SEC16A: variants seen among roughly 807,000 people sequenced by gnomAD.
The protein encoded by SEC16A is protein transport protein Sec16A.
In SEC16A, 110 loss-of-function variants were observed where a neutral mutation model predicts 221.9. The observed-to-expected ratio is 0.50, with a 90% CI of 0.42 to 0.58. SEC16A has a LOEUF of 0.58. SEC16A is among the 20% of genes least tolerant of loss of function. The pLI is 0.00. For synonymous variants in SEC16A, 1,393 were observed against 1,257.7 expected (o/e 1.11, Z -2.28); for missense variants, 3,165 against 3,097.8 (o/e 1.02, Z -0.52).
At position 136,476,381 on chromosome 9, in the gene SEC16A, G is replaced by C. The variant is rs776293499; in HGVS notation, c.1235C>G (p.Pro412Arg). The C allele has an allele frequency of 1.2e-5, 19 of 1,612,796 alleles. No individual in the cohort carries two copies. The highest frequency in any genetic ancestry group is 1.6e-5 in the Non-Finnish European group (19 of 1,179,866). The change falls in exon 3 of 32, where the codon CCG becomes CGG. Residue 412 changes from proline (P) to arginine (R), a missense_variant. Transcript: ENST00000684901. The stretch of plus-strand genomic sequence containing the variant: ...TGCCCCCACGTGTGTAGGTGCGGGC[G>C]GACGGCCTAGCCCAGGGCTGGAGCA... ...DFCSSPGLGR[P>R]PAPTHVGAGS...
At position 136,466,720 on chromosome 9, in the gene SEC16A, G is replaced by A. The variant is rs981074708; in HGVS notation, c.3929+237C>T. On this transcript the variant is annotated intron_variant, in intron 6 of 31. Coordinates refer to ENST00000684901, the MANE Select transcript of SEC16A (RefSeq NM_014866.2). The surrounding 1 kb of genome is among the most constrained non-coding windows in gnomAD (Gnocchi z 5.5). ...AGAAAGAGTGAGCCCAATCTCCCAG[G>A]TGCTCCCAGAGGTGCTGAACAGTCC... is the stretch of plus-strand genomic sequence containing the variant. Among the ~76,000 whole-genome samples, 31 of 152,306 alleles carry A rather than the reference G, an allele frequency of 2.0e-4. No individual in the cohort carries two copies. Among genetic ancestry groups the A allele is most frequent in the African/African-American group, 6.0e-4 (25 of 41,562 alleles).
rs1410946414 is a variant in SEC16A at position 136,476,753 on chromosome 9, C to T, written c.863G>A (p.Ser288Asn). Residue 288 changes from serine (S) to asparagine (N), a missense_variant, in exon 3 of 32, where the codon AGT (serine) becomes AAT (asparagine). Physicochemically the swap from Ser to Asn is conservative, Grantham distance 46 (BLOSUM62 1). Coordinates refer to ENST00000684901, the MANE Select transcript of SEC16A (RefSeq NM_014866.2). Reference sequence around the variant, plus strand: ...AGAGTTATTGGCCAGGTGGCTTCCACTTTGCAAGTGGCTCACCTCGTCTCT... The same window carrying T: ...AGAGTTATTGGCCAGGTGGCTTCCATTTTGCAAGTGGCTCACCTCGTCTCT... ...DGRDEVSHLQ[S>N]GSHLANNSDP... The T allele has an allele frequency of 1.2e-6, 2 of 1,609,930 alleles. No individual in the cohort carries two copies. The highest frequency in any genetic ancestry group is 8.5e-7 in the Non-Finnish European group (1 of 1,177,304).
Position 136,476,250 on chromosome 9 carries a change from A to G in SEC16A, c.1366T>C (p.Tyr456His), listed in dbSNP as rs749894095. 6.2e-7 allele frequency: 1 copy of G among 1,613,286 alleles called. No individual in the cohort carries two copies. Among genetic ancestry groups the G allele is most frequent in the South Asian group, 1.1e-5 (1 of 91,078 alleles). The change falls in exon 3 of 32, where the codon TAT becomes CAT. Residue 456 changes from tyrosine to histidine, a missense_variant. Transcript: ENST00000684901. ...AATTCTAAGTTCTCAACATTCTCAT[A>G]CTGCGAGCCGCTGGCATCCGGCACC... Reference protein sequence around the residue: ...TGVPDASGSQYENVENLEFVQ... With the variant: ...TGVPDASGSQHENVENLEFVQ...
chr9:136,445,791 T>C lies in SEC16A; in HGVS notation c.6793-72A>G, dbSNP rs911943054. 4.6e-6 allele frequency: 6 copies of C among 1,308,840 alleles called. No homozygotes were observed. In the Admixed American group the frequency reaches 6.6e-5, roughly 14 times the overall value. The allele number at this position is 1,308,840 out of a possible 1,614,324, so 81.1% of individuals were successfully genotyped here. A position where few individuals can be genotyped will look rare whatever the true frequency, so the allele number is the denominator to read the frequency against. ...AAGTCTCTCACACCAGGCCAAAAAA[T>C]ATGAAACTGTTCTGGCCTGGGTTAC... On this transcript the variant is annotated intron_variant, in intron 28 of 31. Coordinates refer to ENST00000684901, the MANE Select transcript of SEC16A (RefSeq NM_014866.2).
rs758231024 is a variant in SEC16A, at chr9:136,455,658, C to T, written c.5800G>A (p.Ala1934Thr). The T allele has an allele frequency of 3.8e-6, 6 of 1,592,278 alleles. No individual in the cohort carries two copies. The East Asian group carries it at 1.4e-4, about 36-fold the overall frequency. The change falls in exon 20 of 32, where the codon GCG (alanine) becomes ACG (threonine). Residue 1934 changes from alanine to threonine, a missense_variant. This residue lies in a region of SEC16A where 1,088 missense variants were observed against 1,089.6 expected (regional missense o/e 1.00). Coordinates refer to ENST00000684901, the MANE Select transcript of SEC16A (RefSeq NM_014866.2). ...TGCTCAGGGCTCGGTGCAGGCACCG[C>T]CAGCAGAGGGTTGGCGATCCCCAGG... ...GALGIANPLL[A>T]VPAPSPEHSS...
chr9:136,460,105 T>G lies in SEC16A; in HGVS notation c.5010A>C (p.Pro1670=), dbSNP rs753336720. ...AGACTGTCTGCAGAGGGTCGTTGAT[T>G]GGGAGGCTGTTAGCAAACCTAGGCA... ...RVMTRFANSL[P]INDPLQTVYQ... Residue 1670 remains proline, a synonymous_variant, in exon 14 of 32, where the codon CCA becomes CCC. Transcript: ENST00000684901. 1 of 1,607,126 alleles carries G rather than the reference T, an allele frequency of 6.2e-7. No individual in the cohort carries two copies. Among genetic ancestry groups the G allele is most frequent in the Non-Finnish European group, 8.5e-7 (1 of 1,176,850 alleles).
At chr9:136,454,012 T>TCA in intron 21 of SEC16A, 97 bp downstream of exon 21, 1 of 1,165,372 alleles carries the variant, frequency 8.6e-7, no homozygotes. Flanking sequence ...ATGTAAGTTG[T>TCA]TTCAAGCTCA....
chr9:136,447,537 C>T lies in SEC16A; in HGVS notation c.6559+32G>A, dbSNP rs377000279. On this transcript the variant is annotated intron_variant, in intron 26 of 31. Transcript: ENST00000684901. This position sits in a 1 kb window ranked among gnomAD's most constrained non-coding sequence, Gnocchi z 5.5. ...TCTCTCTCTGGGACAGTTAATCGTT[C>T]AAGCAAGCTCCCACTCCAAGGCCAC... 24 of 1,580,942 alleles carry T rather than the reference C, an allele frequency of 1.5e-5. No homozygotes were observed. The African/African-American group carries it at 2.6e-4, about 17-fold the overall frequency.
In SEC16A at chr9:136,461,193, C is replaced by A. The variant is rs757046307; in HGVS notation, c.4975G>T (p.Ala1659Ser). ...GGACTGTACCTGGTCATGACTCGGG[C>A]GTGTGTCCGGCTGTCCATCTTACTT... ...LASKMDSRTH[A>S]RVMTRFANSL... Residue 1659 changes from alanine to serine, a missense_variant, in exon 13 of 32, where the codon GCC becomes TCC. Coordinates refer to ENST00000684901, the MANE Select transcript of SEC16A (RefSeq NM_014866.2). The A allele has an allele frequency of 2.5e-6, 4 of 1,606,046 alleles. No individual in the cohort carries two copies. In the South Asian group the frequency reaches 4.5e-5, roughly 18 times the overall value.
Position 136,466,533 on chromosome 9 carries a change from C to T in SEC16A, c.3930-71G>A. 2 of 1,436,342 alleles carry T rather than the reference C, an allele frequency of 1.4e-6. No individual in the cohort carries two copies. The highest frequency in any genetic ancestry group is 1.9e-6 in the Non-Finnish European group (2 of 1,067,830). The allele number at this position is 1,436,342 out of a possible 1,614,324, so 89.0% of individuals were successfully genotyped here. A position where few individuals can be genotyped will look rare whatever the true frequency, so the allele number is the denominator to read the frequency against. On this transcript the variant is annotated intron_variant, in intron 6 of 31. Transcript: ENST00000684901. The surrounding 1 kb of genome is among the most constrained non-coding windows in gnomAD (Gnocchi z 5.5). ...GGCCCCGTCCCCATGTGCCACGCAGCTGCCCAGGAGCTGAGACCGAGACCC... is the reference window on the plus strand; with the variant it reads ...GGCCCCGTCCCCATGTGCCACGCAGTTGCCCAGGAGCTGAGACCGAGACCC...
At chr9:136,462,800 A>T in intron 12 of SEC16A, 87 bp downstream of exon 12, 1 of 1,482,318 alleles carries the variant, frequency 6.7e-7, no homozygotes, top group East Asian at 2.4e-5. Flanking sequence ...AGAGGGGGCC[A>T]CGTCCCTCCC....
chr9:136,474,887 C>T lies in SEC16A; in HGVS notation c.2729G>A (p.Gly910Asp), dbSNP rs747067371. Residue 910 changes from glycine to aspartate, a missense_variant, in exon 3 of 32, where the codon GGT becomes GAT. Gly to Asp is a moderately conservative substitution (Grantham distance 94). Transcript: ENST00000684901. ...AGAAACCATTTCGGAAGCACCAGAACCTTGTGGAAAATTACTTTGGGCAAC... is the reference window on the plus strand; with the variant it reads ...AGAAACCATTTCGGAAGCACCAGAATCTTGTGGAAAATTACTTTGGGCAAC... The part of the protein sequence containing the change: ...SSVAQSNFPQ[G>D]SGASEMVSNQ... 1.9e-6 allele frequency: 3 copies of T among 1,613,814 alleles called. No homozygotes were observed. Among genetic ancestry groups the T allele is most frequent in the South Asian group, 2.2e-5 (2 of 91,084 alleles).
chr9:136,462,883 G>A lies in SEC16A; in HGVS notation c.4893+4C>T, dbSNP rs1839685742. 6 of 1,599,036 alleles carry A rather than the reference G, an allele frequency of 3.8e-6. No homozygotes were observed. Among genetic ancestry groups the A allele is most frequent in the East Asian group, 4.5e-5 (2 of 44,848 alleles). Reference sequence around the variant, plus strand: ...GCGCCAGGTGCCATGATGAGGAGGCGCACCTTCTTACGGCCATACAGCAAC... The same window carrying A: ...GCGCCAGGTGCCATGATGAGGAGGCACACCTTCTTACGGCCATACAGCAAC... On this transcript the variant is annotated splice_donor_region_variant and intron_variant, in intron 12 of 31. Transcript: ENST00000684901.
At chr9:136,454,420 A>G in intron 20 of SEC16A, 93 bp from the exon 21 acceptor site, 1 of 1,154,428 alleles carries the variant, frequency 8.7e-7, no homozygotes, top group Non-Finnish European at 1.3e-6. Context: ...ATGACAAGTT[A>G]TTTTGTACAG....
chr9:136,455,162 G>A (rs1042652708), intron 20 of SEC16A, among the ~76,000 whole-genome samples: 2 of 152,192 alleles, frequency 1.3e-5, no homozygotes, highest in African/African-American at 2.4e-5. Context: ...GCCGAGAAGC[G>A]CGAGAGAGGA....
intron 5 of SEC16A, 97 bp downstream of exon 5, chr9:136,468,318 G>C: frequency 1.5e-6 from 1 of 674,324 alleles, no homozygotes; most frequent in South Asian, 1.9e-5. Context: ...TTTCCTGGAA[G>C]TCACCAGCAG....
chr9:136,480,047 A>G lies in SEC16A; in HGVS notation c.-191-1217T>C, dbSNP rs142663049. Among the ~76,000 whole-genome samples, 50 of 152,236 alleles carry G rather than the reference A, an allele frequency of 3.3e-4. No homozygotes were observed. In the East Asian group the frequency reaches 6.0e-3, roughly 18 times the overall value. Reference sequence around the variant, plus strand: ...TGATCAATGTATTTTAAGTCAAGCTATTTACTAGGAACAGCAGCAAAGGCT... The same window carrying G: ...TGATCAATGTATTTTAAGTCAAGCTGTTTACTAGGAACAGCAGCAAAGGCT... On this transcript the variant is annotated intron_variant, in intron 1 of 31. Transcript: ENST00000684901.
intron 28 of SEC16A, 80 bp downstream of exon 28, chr9:136,446,775 G>C (rs1238041578): frequency 7.0e-7 from 1 of 1,423,352 alleles, no homozygotes; most frequent in East Asian, 2.3e-5. Flanking sequence ...CTGACTTGCA[G>C]AAGGCAAGGC....
At chr9:136,464,215 G>A (rs1839869436) in intron 9 of SEC16A, among the ~76,000 whole-genome samples, 1 of 152,182 alleles carries the variant, frequency 6.6e-6, no homozygotes, top group African/African-American at 2.4e-5. Context: ...ACCCAAGGCA[G>A]ACGCTTACAA....
Sources: allele counts gnomAD v4.1 joint callset (sites outside exome capture counted in the v4.1 genomes callset), GRCh38; gene constraint gnomAD v4.1.1; regional missense constraint gnomAD v4.1.1; non-coding constraint Gnocchi (gnomAD v3.1); transcripts MANE v1.5; gene names NCBI Gene and HGNC (gene_info 2026-07-23, HGNC 2026-07-21).